ROBO2: variants seen among roughly 807,000 people sequenced by gnomAD.
The protein encoded by ROBO2 is roundabout homolog 2.
In ROBO2, 53 loss-of-function variants were observed where a neutral mutation model predicts 160.8. The ratio of observed to expected loss-of-function variants is 0.33; its 90% CI spans 0.26 to 0.41. The LOEUF is 0.41. Among genes scored for constraint, ROBO2 ranks in the 10% least tolerant of loss-of-function variants. The pLI, the probability that ROBO2 is intolerant of heterozygous loss-of-function variation, is 1.00. For missense variants in ROBO2, 1,577 were observed against 1,722.4 expected (o/e 0.92, Z 1.49); for synonymous variants, 664 against 611.7 (o/e 1.09, Z -1.26).
chr3:76,512,491 T>G (rs1387615690), intron 2 of ROBO2, among the ~76,000 whole-genome samples: 1 of 152,088 alleles, frequency 6.6e-6, no homozygotes, highest in Non-Finnish European at 1.5e-5. Context: ...TTTTTCACTC[T>G]ATTATGGTAT....
At chr3:76,709,993 A>T (rs977787973) in intron 2 of ROBO2, among the ~76,000 whole-genome samples, 2 of 152,128 alleles carry the variant, frequency 1.3e-5, no homozygotes, top group Non-Finnish European at 2.9e-5. Context: ...TAGGATTTTG[A>T]GGATAAAGAA....
intron 2 of ROBO2, among the ~76,000 whole-genome samples, chr3:76,904,771 G>A (rs1408939167): frequency 1.3e-5 from 2 of 152,038 alleles, no homozygotes; most frequent in African/African-American, 4.8e-5. Flanking sequence ...CCTTTCCCAC[G>A]CAAAGAACAT....
At chr3:77,331,630 C>T (rs2065972034) in intron 2 of ROBO2, among the ~76,000 whole-genome samples, 1 of 152,210 alleles carries the variant, frequency 6.6e-6, no homozygotes, top group South Asian at 2.1e-4. Flanking sequence ...AATTTTTCTA[C>T]TTATTCAGTT....
intron 2 of ROBO2, among the ~76,000 whole-genome samples, chr3:77,425,444 G>A (rs1206284482): frequency 6.6e-6 from 1 of 152,042 alleles, no homozygotes; most frequent in Non-Finnish European, 1.5e-5. Flanking sequence ...CTAAGGGGGT[G>A]ATACATAAAC....
chr3:77,634,841 A>G (rs771213760), intron 23 of ROBO2, 29 bp from the exon 25 acceptor site: 1 of 1,608,724 alleles, frequency 6.2e-7, no homozygotes, highest in South Asian at 1.1e-5. Context: ...GTCATTCTCT[A>G]GAACCCATTC....
At chr3:77,221,842 CTTTTT>C (rs1253205391) in intron 2 of ROBO2, among the ~76,000 whole-genome samples, 3 of 146,652 alleles carry the variant, frequency 2.0e-5, no homozygotes, top group African/African-American at 7.6e-5. Context: ...TTTTTCTTTT[CTTTTT>C]CTTTTTCTTT....
At chr3:76,638,617 A>G (rs113148356) in intron 2 of ROBO2, among the ~76,000 whole-genome samples, 193 of 152,270 alleles carry the variant, frequency 1.3e-3, no homozygotes, top group African/African-American at 4.3e-3. Flanking sequence ...GTTTCAATCT[A>G]TGTTTCCAGA....
At chr3:77,247,943 A>G (rs1295385951) in intron 2 of ROBO2, among the ~76,000 whole-genome samples, 1 of 152,128 alleles carries the variant, frequency 6.6e-6, no homozygotes, top group Non-Finnish European at 1.5e-5. Context: ...CCATGGCCAA[A>G]AGTAAGAGCT....
intron 2 of ROBO2, among the ~76,000 whole-genome samples, chr3:77,458,930 C>T (rs2081968989): frequency 6.6e-6 from 1 of 152,070 alleles, no homozygotes; most frequent in Non-Finnish European, 1.5e-5. Context: ...ATGAACTTGA[C>T]ATCTTGGAAC....
chr3:76,368,890 C>T (rs1034284928), intron 2 of ROBO2, among the ~76,000 whole-genome samples: 43 of 151,916 alleles, frequency 2.8e-4, no homozygotes, highest in Non-Finnish European at 5.9e-5. Context: ...CTCTCTTTGA[C>T]GTTAAGACCT....
At chr3:76,715,187 G>A (rs922831142) in intron 2 of ROBO2, among the ~76,000 whole-genome samples, 1 of 152,016 alleles carries the variant, frequency 6.6e-6, no homozygotes, top group Non-Finnish European at 1.5e-5. Context: ...ATTAATAGGT[G>A]TTCCCACAGG....
At chr3:77,308,200 C>A (rs530791646) in intron 2 of ROBO2, among the ~76,000 whole-genome samples, 2 of 150,826 alleles carry the variant, frequency 1.3e-5, no homozygotes, top group Non-Finnish European at 2.9e-5. Flanking sequence ...TTGGAAAATG[C>A]GGCAATCGTT....
At chr3:77,389,043 C>T (rs553229892) in intron 2 of ROBO2, among the ~76,000 whole-genome samples, 18 of 152,304 alleles carry the variant, frequency 1.2e-4, no homozygotes, top group Admixed American at 1.1e-3. Context: ...TTACTGGGTT[C>T]AAGCGATTCT....
At chr3:76,944,920 G>T (rs1472092334) in intron 2 of ROBO2, among the ~76,000 whole-genome samples, 3 of 151,050 alleles carry the variant, frequency 2.0e-5, no homozygotes, top group South Asian at 4.2e-4. Flanking sequence ...ACGGAGTCTC[G>T]CTCTGTTGCC....
intron 5 of ROBO2, among the ~76,000 whole-genome samples, chr3:77,498,053 T>C (rs2087037790): frequency 6.6e-6 from 1 of 152,194 alleles, no homozygotes; most frequent in South Asian, 2.1e-4. Context: ...TGTGAATTCT[T>C]ATCTGTGCAT....
intron 2 of ROBO2, among the ~76,000 whole-genome samples, chr3:76,171,167 A>C (rs2073024530): frequency 6.6e-6 from 1 of 152,018 alleles, no homozygotes; most frequent in African/African-American, 2.4e-5. Context: ...AAACTTTCCT[A>C]GGTCATAGTC....
At chr3:76,811,469 AGAG>A (rs1345648482) in intron 2 of ROBO2, among the ~76,000 whole-genome samples, 12 of 152,172 alleles carry the variant, frequency 7.9e-5, no homozygotes, top group African/African-American at 2.7e-4. Flanking sequence ...TTTGCTCATC[AGAG>A]GATGTCTGGA....
At chr3:76,627,280 T>G (rs1418501604) in intron 2 of ROBO2, among the ~76,000 whole-genome samples, 2 of 152,214 alleles carry the variant, frequency 1.3e-5, no homozygotes, top group Non-Finnish European at 2.9e-5. Flanking sequence ...ACATTGGAGC[T>G]TCAGTCATTG....
In ROBO2 at chr3:76,575,616, C is replaced by T. The variant is rs575528658; in HGVS notation, c.110-522398C>T. ...CTTCCCCCTTTTGGGCCAAAAAATA[C>T]GACTTGTTCTCTATAGAAAGACAAG... On this transcript the variant is annotated intron_variant, in intron 2 of 26. Transcript: ENST00000487694. Among the ~76,000 whole-genome samples the T allele has an allele frequency of 1.2e-4, 18 of 152,080 alleles. No homozygotes were observed. In the South Asian group the frequency reaches 1.7e-3, roughly 14 times the overall value.
Sources: allele counts gnomAD v4.1 joint callset (sites outside exome capture counted in the v4.1 genomes callset), GRCh38; gene constraint gnomAD v4.1.1; transcripts MANE v1.5; gene names NCBI Gene and HGNC (gene_info 2026-07-23, HGNC 2026-07-21).